The following NRCAM variants were observed in gnomAD, a reference collection of about 807,000 sequenced individuals.
The protein encoded by NRCAM is NgCAM-related cell adhesion molecule.
NRCAM carries 83 observed loss-of-function variants against 156.5 expected under a neutral mutation model. The observed-to-expected ratio is 0.53, with a 90% CI of 0.44 to 0.64. The LOEUF is 0.64. Among genes scored for constraint, NRCAM ranks in the 30% least tolerant of loss-of-function variants. NRCAM has a pLI of 0.00. For synonymous variants in NRCAM, 538 were observed against 563.9 expected (o/e 0.95, Z 0.65); for missense variants, 1,417 against 1,597.3 (o/e 0.89, Z 1.92).
Position 108,163,502 on chromosome 7 carries a change from C to T in NRCAM, c.3467-3010G>A, listed in dbSNP as rs542182300. Among the ~76,000 whole-genome samples the T allele has an allele frequency of 2.0e-3, 302 of 152,282 alleles. 4 individuals are homozygous for T. Among genetic ancestry groups the T allele is most frequent in the Non-Finnish European group, 3.5e-3 (235 of 68,032 alleles). On this transcript the variant is annotated intron_variant, in intron 30 of 32. Transcript: ENST00000379028. ...CCTGTTCAAATGCTTAGACATCAAA[C>T]GCTTAGATGTGTTTAGGAAGAGCAA...
chr7:108,303,395 C>A (rs1477816299), intron 3 of NRCAM, among the ~76,000 whole-genome samples: 3 of 152,126 alleles, frequency 2.0e-5, no homozygotes, highest in Non-Finnish European at 4.4e-5. Context: ...CCTCTTCAGC[C>A]CCTCTGCTAG....
intron 5 of NRCAM, among the ~76,000 whole-genome samples, chr7:108,236,580 A>G (rs184699148): frequency 2.2e-4 from 33 of 152,326 alleles, no homozygotes; most frequent in Non-Finnish European, 3.5e-4. Flanking sequence ...GAGGGAAAAT[A>G]AAGTTTAAAA....
At chr7:108,374,280 T>C (rs1171447706) in intron 2 of NRCAM, among the ~76,000 whole-genome samples, 2 of 152,166 alleles carry the variant, frequency 1.3e-5, no homozygotes, top group Non-Finnish European at 2.9e-5. Flanking sequence ...CTAGAAGTTA[T>C]CATTAAGACT....
At chr7:108,153,903 TCAGAGTTATTAAAGAA>T (rs1237803946) in intron 32 of NRCAM, among the ~76,000 whole-genome samples, 6 of 152,118 alleles carry the variant, frequency 3.9e-5, no homozygotes, top group African/African-American at 1.4e-4. Flanking sequence ...AATAAAACTT[TCAGAGTTATTAAAGAA>T]GATCTGAATG....
At chr7:108,225,401 G>T (rs955542010) in intron 10 of NRCAM, among the ~76,000 whole-genome samples, 11 of 152,212 alleles carry the variant, frequency 7.2e-5, no homozygotes, top group Non-Finnish European at 1.5e-4. Context: ...CAGTGAAATG[G>T]TTCTTTACAC....
At chr7:108,311,997 T>C (rs777669967) in intron 3 of NRCAM, among the ~76,000 whole-genome samples, 7 of 152,162 alleles carry the variant, frequency 4.6e-5, no homozygotes, top group South Asian at 2.1e-4. Context: ...CCAAGTAAGA[T>C]TATTTTTTCA....
intron 2 of NRCAM, among the ~76,000 whole-genome samples, chr7:108,389,033 G>A (rs1469458894): frequency 1.3e-5 from 2 of 152,138 alleles, no homozygotes; most frequent in Non-Finnish European, 2.9e-5. Flanking sequence ...GTTTTTCTTG[G>A]CAATGTGGGC....
At chr7:108,178,536 A>C (rs2061864779) in intron 25 of NRCAM, 1 of 202,354 alleles carries the variant, frequency 4.9e-6, no homozygotes, top group Non-Finnish European at 1.0e-5. Context: ...AGGTGTCTCC[A>C]AACAGTCAGA....
At chr7:108,273,515 T>C (rs2097457284) in intron 3 of NRCAM, among the ~76,000 whole-genome samples, 1 of 152,250 alleles carries the variant, frequency 6.6e-6, no homozygotes, top group South Asian at 2.1e-4. Context: ...TGAGCTTTTT[T>C]TCATATGTCT....
Position 108,456,261 on chromosome 7 carries a change from C to G in NRCAM, c.-350G>C, listed in dbSNP as rs1327192038. 1 of 152,430 alleles carries G rather than the reference C, an allele frequency of 6.6e-6. No homozygotes were observed. The highest frequency in any genetic ancestry group is 1.9e-4 in the East Asian group (1 of 5,160). 9.4% of individuals were successfully genotyped at this position (152,430 alleles called of 1,614,324 possible). On this transcript the variant is annotated 5_prime_UTR_variant, in exon 1 of 33. Transcript: ENST00000379028. ...TACTTACGTTCTCGCGCCGCGCCCT[C>G]CGCTCAGCTCTGGCGCGACTGCCCA...
chr7:108,254,343 CA>C (rs2096525878), intron 3 of NRCAM, among the ~76,000 whole-genome samples: 1 of 152,076 alleles, frequency 6.6e-6, no homozygotes, highest in Non-Finnish European at 1.5e-5. Context: ...AAATATCTAA[CA>C]AGCACATGAA....
intron 1 of NRCAM, among the ~76,000 whole-genome samples, chr7:108,455,460 C>A (rs1445725687): frequency 1.3e-5 from 2 of 152,106 alleles, no homozygotes; most frequent in Non-Finnish European, 2.9e-5. Flanking sequence ...TCCAGGCAGC[C>A]CCCAGCCCGG....
intron 3 of NRCAM, among the ~76,000 whole-genome samples, chr7:108,263,416 TCTGGC>T (rs2096959038): frequency 6.6e-6 from 1 of 152,240 alleles, no homozygotes; most frequent in Admixed American, 6.5e-5. Context: ...ACACAAATAG[TCTGGC>T]CTCTTCACTA....
At chr7:108,421,538 T>C (rs1413563056) in intron 1 of NRCAM, among the ~76,000 whole-genome samples, 4 of 152,212 alleles carry the variant, frequency 2.6e-5, no homozygotes, top group Non-Finnish European at 5.9e-5. Context: ...AAAGTATTAT[T>C]CATGAAGTAG....
intron 3 of NRCAM, among the ~76,000 whole-genome samples, chr7:108,253,947 G>A (rs181409670): frequency 9.8e-4 from 149 of 152,268 alleles, no homozygotes; most frequent in African/African-American, 3.4e-3. Flanking sequence ...CCCCAACCAC[G>A]AAACCACAAA....
intron 30 of NRCAM, 93 bp from the exon 31 acceptor site, chr7:108,160,585 G>A: frequency 1.8e-6 from 2 of 1,085,686 alleles, no homozygotes; most frequent in Non-Finnish European, 2.6e-6. Context: ...CACGTTATGT[G>A]AGCTTTCATA....
chr7:108,208,102 T>C (rs1365318712), intron 12 of NRCAM, among the ~76,000 whole-genome samples: 1 of 148,866 alleles, frequency 6.7e-6, no homozygotes, highest in Non-Finnish European at 1.5e-5. Flanking sequence ...GAAACCAGCC[T>C]GGCCGACATG....
chr7:108,214,951 G>A (rs1365007534), intron 11 of NRCAM, among the ~76,000 whole-genome samples: 1 of 152,208 alleles, frequency 6.6e-6, no homozygotes. Flanking sequence ...TGATTGCAGT[G>A]TGGTCTGACA....
intron 28 of NRCAM, 71 bp downstream of exon 28, chr7:108,175,251 T>G: frequency 8.0e-7 from 1 of 1,250,826 alleles, no homozygotes; most frequent in Non-Finnish European, 1.1e-6. Context: ...GTTTTACCCA[T>G]GCTGCACTTC....
Sources: gnomAD v4.1 joint callset for allele counts (sites outside exome capture counted in the v4.1 genomes callset) on GRCh38, gnomAD v4.1.1 for gene constraint, MANE v1.5 for transcripts, NCBI Gene and HGNC (gene_info 2026-07-23, HGNC 2026-07-21) for gene names.